RASA1: variants seen among roughly 807,000 people sequenced by gnomAD.
The protein encoded by RASA1 is RAS p21 protein activator 1.
Under a neutral mutation model 132.2 loss-of-function variants are expected in RASA1, and 25 were observed. The ratio of observed to expected loss-of-function variants is 0.19; its 90% confidence interval spans 0.14 to 0.26. The LOEUF is 0.26. Ranked by LOEUF, RASA1 falls within the 10% of genes least tolerant of loss-of-function variation. The pLI, the probability that RASA1 is intolerant of heterozygous loss-of-function variation, is 1.00. For synonymous variants in RASA1, 477 were observed against 449.9 expected, an observed-to-expected ratio of 1.06 and a Z score of -0.76; for missense variants, 964 against 1,299.2, an observed-to-expected ratio of 0.74 and a Z score of 3.97.
chr5:87,376,481 T>G lies in RASA1; in HGVS notation c.2100T>G (p.Gly700=). Reference sequence around the variant, plus strand: ...TCAGCTCCCATATACCATTAAAAGGTATTGAACCAGGGTCCCTGCGTGTTC... The same window carrying G: ...TCAGCTCCCATATACCATTAAAAGGGATTGAACCAGGGTCCCTGCGTGTTC... The part of the protein sequence containing the change: ...FLLSSHIPLK[G]IEPGSLRVRA... The change falls in exon 16 of 25, where the codon GGT becomes GGG. Residue 700 remains glycine (G), a synonymous_variant. Transcript: ENST00000274376. The G allele has an allele frequency of 6.2e-7, 1 of 1,613,988 alleles. No individual in the cohort carries two copies. The highest frequency in any genetic ancestry group is 8.5e-7 in the Non-Finnish European group (1 of 1,179,980).
intron 5 of RASA1, among the ~76,000 whole-genome samples, chr5:87,338,529 AT>A (rs1758163321): frequency 1.1e-5 from 1 of 92,368 alleles, no homozygotes; most frequent in Non-Finnish European, 2.2e-5. Context: ...ATATATATAT[AT>A]ATAAAATTTT....
intron 24 of RASA1, 71 bp from the exon 25 acceptor site, chr5:87,390,729 A>G: frequency 7.7e-7 from 1 of 1,305,564 alleles, no homozygotes; most frequent in South Asian, 1.2e-5. Flanking sequence ...GTTTTTTTCA[A>G]ATCCAGGTTC....
intron 19 of RASA1, among the ~76,000 whole-genome samples, 162 bp from the exon 20 acceptor site, chr5:87,380,347 A>AC (rs1416307000): frequency 1.3e-5 from 2 of 152,224 alleles, no homozygotes; most frequent in African/African-American, 4.8e-5. Context: ...AGTTTTCCTT[A>AC]CCCCTTGCTA....
rs747443446 is a variant in RASA1, at chr5:87,378,389, TG to T, written c.2345-6del. On this transcript the variant is annotated splice_polypyrimidine_tract_variant and splice_region_variant and intron_variant, in intron 17 of 24. Transcript: ENST00000274376. ...CAAATAATCTTCTAATGTAAATATT[TG>T]TGTAGATGAAGCCACTACCCTATTT... is the stretch of plus-strand genomic sequence containing the variant. 8.1e-6 allele frequency: 13 copies of T among 1,612,520 alleles called. No homozygotes were observed. Among genetic ancestry groups the T allele is most frequent in the Non-Finnish European group, 1.1e-5 (13 of 1,178,820 alleles).
At chr5:87,382,126 ATT>A (rs1478860384) in intron 20 of RASA1, among the ~76,000 whole-genome samples, 1 of 151,926 alleles carries the variant, frequency 6.6e-6, no homozygotes. Context: ...CTATTTTTGT[ATT>A]TTTAGTAGAG....
chr5:87,273,628 G>A (rs1753941930), intron 1 of RASA1, among the ~76,000 whole-genome samples: 1 of 151,850 alleles, frequency 6.6e-6, no homozygotes. Context: ...TATACTGCTT[G>A]CCCTTAGAGT....
intron 6 of RASA1, 73 bp downstream of exon 6, chr5:87,341,394 CA>C (rs1281181204): frequency 5.2e-5 from 57 of 1,099,216 alleles, no homozygotes; most frequent in South Asian, 1.9e-4. Context: ...AAACTTTGGC[CA>C]AAAAAATTGT....
intron 7 of RASA1, 53 bp from the exon 8 acceptor site, chr5:87,349,161 C>A: frequency 6.3e-7 from 1 of 1,587,662 alleles, no homozygotes; most frequent in Non-Finnish European, 8.6e-7. Context: ...TACTTAACAT[C>A]TTTTCTTTTT....
At chr5:87,376,245 TA>T in intron 15 of RASA1, 147 bp from the exon 16 acceptor site, 1 of 889,612 alleles carries the variant, frequency 1.1e-6, no homozygotes, top group Non-Finnish European at 1.8e-6. Flanking sequence ...AATAAACAAC[TA>T]AATATTGAAT....
At chr5:87,348,874 T>C (rs1202041391) in intron 7 of RASA1, among the ~76,000 whole-genome samples, 2 of 152,048 alleles carry the variant, frequency 1.3e-5, no homozygotes. Context: ...ATACAGAATT[T>C]AGCAGTTTTA....
chr5:87,309,754 G>T (rs927184962), intron 1 of RASA1, among the ~76,000 whole-genome samples: 2 of 151,882 alleles, frequency 1.3e-5, no homozygotes, highest in Non-Finnish European at 1.5e-5. Flanking sequence ...TCATATATCA[G>T]TATTTTATAT....
intron 11 of RASA1, among the ~76,000 whole-genome samples, chr5:87,369,310 C>G (rs772087191): frequency 1.3e-5 from 2 of 152,096 alleles, no homozygotes; most frequent in Non-Finnish European, 2.9e-5. Flanking sequence ...CACAACTGTT[C>G]ACTTAAACTC....
chr5:87,366,339 T>C, intron 11 of RASA1: 1 of 414,806 alleles, frequency 2.4e-6, no homozygotes, highest in South Asian at 1.7e-5. Flanking sequence ...TTGATATAGT[T>C]TATATGAACA....
At chr5:87,380,728 A>C in intron 20 of RASA1, 133 bp downstream of exon 20, 1 of 851,300 alleles carries the variant, frequency 1.2e-6, no homozygotes, top group Non-Finnish European at 1.9e-6. Flanking sequence ...CATATTTTCT[A>C]AGTCCAGATG....
chr5:87,320,883 TAG>T (rs1756744227), intron 1 of RASA1, among the ~76,000 whole-genome samples: 1 of 152,246 alleles, frequency 6.6e-6, no homozygotes, highest in Non-Finnish European at 1.5e-5. Context: ...GTAGTATTTG[TAG>T]AGTTACACAT....
intron 1 of RASA1, among the ~76,000 whole-genome samples, chr5:87,319,598 T>C (rs373176893): frequency 1.1e-4 from 16 of 152,202 alleles, no homozygotes; most frequent in African/African-American, 3.6e-4. Context: ...CTGGAGTGGC[T>C]GGGATGCGGG....
chr5:87,349,231 T>G lies in RASA1; in HGVS notation c.1120T>G (p.Phe374Val). Reference protein sequence around the residue: ...LLMTVGQVCSFLVRPSDNTPG... With the variant: ...LLMTVGQVCSVLVRPSDNTPG... ...TCTTACAGTTGGTCAAGTCTGCAGT[T>G]TTCTTGTGAGGCCCTCAGATAATAC... Residue 374 changes from phenylalanine to valine, a missense_variant, in exon 8 of 25, where the codon TTT becomes GTT. Around this residue, in one of 6 missense-constraint regions of RASA1, gnomAD observed 154 missense variants for 286.5 expected, o/e 0.54. Transcript: ENST00000274376. 1 of 1,612,008 alleles carries G rather than the reference T, an allele frequency of 6.2e-7. No individual in the cohort carries two copies. The highest frequency in any genetic ancestry group is 8.5e-7 in the Non-Finnish European group (1 of 1,178,616).
chr5:87,391,212 C>G lies in RASA1; in HGVS notation c.*329C>G. The G allele has an allele frequency of 2.3e-6, 1 of 443,534 alleles. No individual in the cohort carries two copies. Among genetic ancestry groups the G allele is most frequent in the East Asian group, 3.8e-5 (1 of 26,572 alleles). The allele number at this position is 443,534 out of a possible 1,614,324, so 27.5% of individuals were successfully genotyped here. Reference sequence around the variant, plus strand: ...ACTTTCAAAATATATTTTCAGTACACCCAGTTGCCAAAGTTTTGCTGTCTC... The same window carrying G: ...ACTTTCAAAATATATTTTCAGTACAGCCAGTTGCCAAAGTTTTGCTGTCTC... On this transcript the variant is annotated 3_prime_UTR_variant, in exon 25 of 25. Transcript: ENST00000274376.
intron 5 of RASA1, among the ~76,000 whole-genome samples, chr5:87,339,948 C>T (rs2112394106): frequency 6.6e-6 from 1 of 152,210 alleles, no homozygotes; most frequent in Non-Finnish European, 1.5e-5. Flanking sequence ...TAAGGAATTT[C>T]TCCTTCTAAA....
Sources: allele counts gnomAD v4.1 joint callset (sites outside exome capture counted in the v4.1 genomes callset), GRCh38; gene constraint gnomAD v4.1.1; regional missense constraint gnomAD v4.1.1; transcripts MANE v1.5; gene names NCBI Gene and HGNC (gene_info 2026-07-23, HGNC 2026-07-21).